The following ACACA variants were observed in gnomAD, a reference collection of about 807,000 sequenced individuals.
The protein encoded by ACACA is acetyl-CoA carboxylase 1.
Under a neutral mutation model 296.1 loss-of-function variants are expected in ACACA, and 103 were observed. The ratio of observed to expected loss-of-function variants is 0.35; its 90% confidence interval spans 0.30 to 0.41. The LOEUF (loss-of-function observed/expected upper bound fraction) is 0.41. Among genes scored for constraint, ACACA ranks in the 10% least tolerant of loss-of-function variants. The pLI, the probability that ACACA is intolerant of heterozygous loss-of-function variation, is 1.00. For synonymous variants in ACACA, 953 were observed against 1,038.6 expected (o/e 0.92, Z 1.58); for missense variants, 1,554 against 2,989.7 (o/e 0.52, Z 11.20).
At chr17:37,131,108 A>G (rs903558435) in intron 45 of ACACA, among the ~76,000 whole-genome samples, 1 of 151,914 alleles carries the variant, frequency 6.6e-6, no homozygotes, top group African/African-American at 2.4e-5. Flanking sequence ...TTTATACCCA[A>G]GCATGCTTCC....
At chr17:37,155,538 T>C in intron 43 of ACACA, 145 bp downstream of exon 43, 1 of 656,424 alleles carries the variant, frequency 1.5e-6, no homozygotes, top group Non-Finnish European at 2.8e-6. Context: ...TAATAAGTGG[T>C]AGAGCTGGAT....
At position 37,206,785 on chromosome 17, in the gene ACACA, T is replaced by C; in HGVS notation, c.3946A>G (p.Lys1316Glu). The change falls in exon 32 of 56, where the codon AAG (lysine) becomes GAG (glutamate). Residue 1316 changes from lysine (K) to glutamate (E), a missense_variant and splice_region_variant. Coordinates refer to ENST00000616317, the MANE Select transcript of ACACA (RefSeq NM_198834.3). Reference protein sequence around the residue: ...AGHTSLYDEDKVPRDEPIHIL... With the variant: ...AGHTSLYDEDEVPRDEPIHIL... ...GTCTCCCAAAAGGGACATTATACCT[T>C]ATCCTCATCATAAAGAGACGTGTGA... 6.2e-7 allele frequency: 1 copy of C among 1,605,130 alleles called. No homozygotes were observed. The highest frequency in any genetic ancestry group is 8.5e-7 in the Non-Finnish European group (1 of 1,171,896).
At chr17:37,272,545 T>TA (rs903771740) in intron 9 of ACACA, among the ~76,000 whole-genome samples, 6 of 150,522 alleles carry the variant, frequency 4.0e-5, no homozygotes, top group Admixed American at 6.6e-5. Context: ...AGAGATAGCT[T>TA]AAAAAAAAGA....
At chr17:37,245,903 A>G (rs1416289749) in intron 19 of ACACA, among the ~76,000 whole-genome samples, 1 of 152,074 alleles carries the variant, frequency 6.6e-6, no homozygotes, top group Non-Finnish European at 1.5e-5. Context: ...ATCTCACATT[A>G]CTTCTTTAGC....
chr17:37,373,095 G>A (rs1010248041), intron 1 of ACACA, among the ~76,000 whole-genome samples: 2 of 152,108 alleles, frequency 1.3e-5, no homozygotes, highest in African/African-American at 4.8e-5. Flanking sequence ...TGGCCAGGCT[G>A]GTCTTGAACT....
chr17:37,228,290 C>T (rs1364162274), intron 25 of ACACA, among the ~76,000 whole-genome samples: 1 of 143,416 alleles, frequency 7.0e-6, no homozygotes, highest in Non-Finnish European at 1.5e-5. Flanking sequence ...TCTGCTCTGA[C>T]TGTCCAGAGT....
chr17:37,284,097 C>A (rs1341159467), intron 4 of ACACA, among the ~76,000 whole-genome samples: 1 of 152,126 alleles, frequency 6.6e-6, no homozygotes, highest in East Asian at 1.9e-4. Flanking sequence ...AAATACAGGT[C>A]CCCATCCTTT....
intron 54 of ACACA, among the ~76,000 whole-genome samples, chr17:37,093,120 G>A (rs1044613664): frequency 7.9e-5 from 12 of 152,182 alleles, no homozygotes; most frequent in African/African-American, 2.4e-4. Flanking sequence ...TGGTGTATGA[G>A]ACTTATTCAT....
chr17:37,224,815 T>C (rs1224785556), intron 27 of ACACA, among the ~76,000 whole-genome samples, 177 bp downstream of exon 27: 1 of 151,938 alleles, frequency 6.6e-6, no homozygotes, highest in Admixed American at 6.6e-5. Flanking sequence ...AGCATTTGTA[T>C]GAAAAAAATA....
chr17:37,123,904 A>C (rs2074646183), intron 48 of ACACA, among the ~76,000 whole-genome samples: 1 of 152,238 alleles, frequency 6.6e-6, no homozygotes, highest in African/African-American at 2.4e-5. Context: ...TATTACAGTT[A>C]TTTATTGAAC....
In ACACA at chr17:37,096,987, C is replaced by T; in HGVS notation, c.6891+9G>A. The T allele has an allele frequency of 6.2e-7, 1 of 1,614,096 alleles. No homozygotes were observed. The highest frequency in any genetic ancestry group is 8.5e-7 in the Non-Finnish European group (1 of 1,180,030). ...AGCAAAAAGGCTTCTCTTTGAGTGT[C>T]CCACCTACCTTCACTGTTCCTTCCA... On this transcript the variant is annotated intron_variant, in intron 54 of 55. Transcript: ENST00000616317.
chr17:37,087,941 C>T (rs376724341), intron 55 of ACACA, among the ~76,000 whole-genome samples: 9 of 152,170 alleles, frequency 5.9e-5, no homozygotes, highest in African/African-American at 1.9e-4. Flanking sequence ...CTTGCATGGC[C>T]TTAAAATGTC....
intron 39 of ACACA, among the ~76,000 whole-genome samples, chr17:37,183,771 G>A (rs1268555650): frequency 1.3e-5 from 2 of 149,848 alleles, no homozygotes; most frequent in East Asian, 3.9e-4. Context: ...CAGCCTGGGC[G>A]TCAGAGTGAG....
At chr17:37,384,399 T>C (rs2050437166) in intron 1 of ACACA, among the ~76,000 whole-genome samples, 1 of 152,256 alleles carries the variant, frequency 6.6e-6, no homozygotes, top group Admixed American at 6.5e-5. Context: ...TGGAGACAGA[T>C]GACTCATTAG....
chr17:37,154,916 GATA>G (rs3049582), intron 43 of ACACA, among the ~76,000 whole-genome samples: 93 of 152,172 alleles, frequency 6.1e-4, no homozygotes, highest in Admixed American at 1.1e-3. Context: ...TTTATTAATT[GATA>G]ATAATCAATG....
At chr17:37,360,423 A>G (rs2049360391) in intron 1 of ACACA, 1 of 152,180 alleles carries the variant, frequency 6.6e-6, no homozygotes, top group South Asian at 2.1e-4. Flanking sequence ...ATTGGTCAAC[A>G]AGGAACAATA....
chr17:37,276,306 A>G (rs2082282820), intron 7 of ACACA, among the ~76,000 whole-genome samples: 1 of 152,206 alleles, frequency 6.6e-6, no homozygotes. Context: ...TAAATTTTTG[A>G]CAAATCTAGC....
At chr17:37,324,420 A>C (rs761982798) in intron 3 of ACACA, among the ~76,000 whole-genome samples, 1 of 151,798 alleles carries the variant, frequency 6.6e-6, no homozygotes, top group Non-Finnish European at 1.5e-5. Flanking sequence ...CCATACTCCC[A>C]GCACTTTGGG....
At chr17:37,159,684 G>A (rs534499306) in intron 42 of ACACA, among the ~76,000 whole-genome samples, 77 of 152,160 alleles carry the variant, frequency 5.1e-4, no homozygotes, top group Non-Finnish European at 5.3e-4. Flanking sequence ...TAATTTACAT[G>A]CAATAAAATT....
Sources: gnomAD v4.1 joint callset for allele counts (sites outside exome capture counted in the v4.1 genomes callset) on GRCh38, gnomAD v4.1.1 for gene constraint, MANE v1.5 for transcripts, NCBI Gene and HGNC (gene_info 2026-07-23, HGNC 2026-07-21) for gene names.